Variants in MRPL48 observed in about 807,000 individuals in gnomAD.
MRPL48 encodes mitochondrial ribosomal protein L48.
In MRPL48, 16 loss-of-function variants were observed where a neutral mutation model predicts 32.9. The ratio of observed to expected loss-of-function variants is 0.49; its 90% CI spans 0.33 to 0.74. MRPL48 has a LOEUF of 0.74. MRPL48 is among the 30% of genes least tolerant of loss of function. MRPL48 has a pLI of 0.02. For synonymous variants in MRPL48, 94 were observed against 89.2 expected, an observed-to-expected ratio of 1.05 and a Z score of -0.31; for missense variants, 206 against 245.3, an observed-to-expected ratio of 0.84 and a Z score of 1.07.
intron 5 of MRPL48, among the ~76,000 whole-genome samples, chr11:73,849,329 G>T (rs1468915863): frequency 1.3e-5 from 2 of 151,830 alleles, no homozygotes; most frequent in Admixed American, 6.6e-5. Context: ...CAGACATGGG[G>T]TTTTGCCATG....
chr11:73,831,989 T>C (rs1948005130), intron 4 of MRPL48, among the ~76,000 whole-genome samples: 1 of 150,516 alleles, frequency 6.6e-6, no homozygotes, highest in African/African-American at 2.5e-5. Flanking sequence ...GTCATCACAT[T>C]TGTATAGCAC....
At chr11:73,802,835 G>A (rs1947383256) in intron 1 of MRPL48, among the ~76,000 whole-genome samples, 2 of 151,952 alleles carry the variant, frequency 1.3e-5, no homozygotes, top group South Asian at 4.1e-4. Flanking sequence ...GAGTAGCTGG[G>A]ATCACAGGTG....
At chr11:73,838,089 T>C (rs1347781023) in intron 4 of MRPL48, among the ~76,000 whole-genome samples, 1 of 152,146 alleles carries the variant, frequency 6.6e-6, no homozygotes, top group Non-Finnish European at 1.5e-5. Flanking sequence ...CCTGACCTCA[T>C]GGTCCGCCTG....
At chr11:73,841,924 A>G (rs1411735543) in intron 4 of MRPL48, among the ~76,000 whole-genome samples, 3 of 151,862 alleles carry the variant, frequency 2.0e-5, no homozygotes, top group Non-Finnish European at 2.9e-5. Flanking sequence ...CAAACAGCCA[A>G]TGATACTAGT....
intron 3 of MRPL48, among the ~76,000 whole-genome samples, chr11:73,824,489 G>A (rs573674212): frequency 2.0e-5 from 3 of 152,066 alleles, no homozygotes; most frequent in South Asian, 4.2e-4. Flanking sequence ...GGAGGCTGAG[G>A]CAGGAGAATT....
chr11:73,858,555 G>A (rs1374099740), intron 5 of MRPL48, among the ~76,000 whole-genome samples: 1 of 152,150 alleles, frequency 6.6e-6, no homozygotes, highest in Non-Finnish European at 1.5e-5. Flanking sequence ...GATTACAGGC[G>A]TGAGCCACCG....
intron 1 of MRPL48, among the ~76,000 whole-genome samples, chr11:73,797,503 T>C: frequency 6.6e-6 from 1 of 152,210 alleles, no homozygotes; most frequent in Non-Finnish European, 1.5e-5. Context: ...CTGTGGTTGC[T>C]GGCATCTCCA....
chr11:73,834,109 A>C (rs554350635), intron 4 of MRPL48, among the ~76,000 whole-genome samples: 2 of 152,284 alleles, frequency 1.3e-5, no homozygotes, highest in East Asian at 3.9e-4. Context: ...TTGGGCTCCT[A>C]AAGTGTTGGG....
intron 5 of MRPL48, among the ~76,000 whole-genome samples, chr11:73,853,677 CTTCTTT>C (rs1398352055): frequency 1.9e-5 from 2 of 107,062 alleles, no homozygotes; most frequent in African/African-American, 7.7e-5. Context: ...TTAGAGATAG[CTTCTTT>C]TTTTTTTTTT....
At chr11:73,822,764 C>T (rs1207863919) in intron 3 of MRPL48, among the ~76,000 whole-genome samples, 1 of 152,154 alleles carries the variant, frequency 6.6e-6, no homozygotes, top group Admixed American at 6.5e-5. Flanking sequence ...AGGAACCAGG[C>T]CACACAGCAG....
rs187526947 is a variant in MRPL48, at chr11:73,836,706, T to A, written c.202-8101T>A. On this transcript the variant is annotated intron_variant, in intron 4 of 7. Coordinates refer to ENST00000310614, the MANE Select transcript of MRPL48 (RefSeq NM_016055.6). Reference sequence around the variant, plus strand: ...CGTGGCTAGAAGTTTTCAGAGCCGATATTTGGAATGAGGATGGCCAGAATT... The same window carrying A: ...CGTGGCTAGAAGTTTTCAGAGCCGAAATTTGGAATGAGGATGGCCAGAATT... Among the ~76,000 whole-genome samples the A allele has an allele frequency of 2.0e-3, 306 of 152,324 alleles. 3 individuals carry two copies. Among genetic ancestry groups the A allele is most frequent in the African/African-American group, 6.8e-3 (284 of 41,586 alleles).
At chr11:73,834,006 C>G (rs1373130193) in intron 4 of MRPL48, among the ~76,000 whole-genome samples, 1 of 151,892 alleles carries the variant, frequency 6.6e-6, no homozygotes, top group Admixed American at 6.6e-5. Flanking sequence ...ATAGGTGCGC[C>G]CCACCACACC....
chr11:73,836,506 C>T (rs975006116), intron 4 of MRPL48, among the ~76,000 whole-genome samples: 5 of 152,062 alleles, frequency 3.3e-5, no homozygotes, highest in African/African-American at 1.2e-4. Flanking sequence ...TCCAAAAATG[C>T]CACTTATTAT....
intron 5 of MRPL48, among the ~76,000 whole-genome samples, chr11:73,848,117 A>G (rs1170859829): frequency 7.9e-5 from 12 of 152,082 alleles, no homozygotes; most frequent in Admixed American, 7.9e-4. Flanking sequence ...TATAGTTTTA[A>G]GTATTATATT....
intron 1 of MRPL48, among the ~76,000 whole-genome samples, chr11:73,797,959 G>A (rs1312324756): frequency 6.6e-6 from 1 of 152,176 alleles, no homozygotes; most frequent in Non-Finnish European, 1.5e-5. Context: ...ATTTGTGTTT[G>A]GGTTTGGATA....
intron 2 of MRPL48, 141 bp from the exon 3 acceptor site, chr11:73,808,172 A>C (rs1033661274): frequency 6.0e-6 from 5 of 826,532 alleles, no homozygotes; most frequent in Non-Finnish European, 7.6e-6. Context: ...TCCTTATTAA[A>C]GTTTGTGGAA....
In MRPL48 at chr11:73,832,600, AG is replaced by A. The variant is rs1378618333; in HGVS notation, c.201+6808del. On this transcript the variant is annotated intron_variant, in intron 4 of 7. Transcript: ENST00000310614. ...ATGCACATGGAGTGGTGAGGGAGGA[AG>A]GGGACACCCGCCTAGCCAGCCAGAT... 4 of 159,602 alleles carry A rather than the reference AG, an allele frequency of 2.5e-5. No individual in the cohort carries two copies. The Admixed American group carries it at 2.6e-4, about 10-fold the overall frequency. The allele number at this position is 159,602 out of a possible 1,614,324, so 9.9% of individuals were successfully genotyped here.
At chr11:73,824,371 T>C (rs971169222) in intron 3 of MRPL48, among the ~76,000 whole-genome samples, 2 of 151,712 alleles carry the variant, frequency 1.3e-5, no homozygotes, top group African/African-American at 4.8e-5. Context: ...GGGCGAATCA[T>C]GAGGTCAGTT....
chr11:73,851,168 C>A, intron 5 of MRPL48: 1 of 440,982 alleles, frequency 2.3e-6, no homozygotes, highest in South Asian at 1.7e-5. Flanking sequence ...TGGAACTGGG[C>A]AAACTCCTCC....
Sources: gnomAD v4.1 joint callset for allele counts (sites outside exome capture counted in the v4.1 genomes callset) on GRCh38, gnomAD v4.1.1 for gene constraint, MANE v1.5 for transcripts, NCBI Gene and HGNC (gene_info 2026-07-23, HGNC 2026-07-21) for gene names.